ZC3H12B: variants seen among roughly 807,000 people sequenced by gnomAD.
ZC3H12B encodes the protein probable ribonuclease ZC3H12B.
In ZC3H12B, 7 loss-of-function variants were observed where a neutral mutation model predicts 43.9. That is an observed-to-expected ratio of 0.16 (90% CI 0.09 to 0.30). The LOEUF (loss-of-function observed/expected upper bound fraction) is 0.30. Among genes scored for constraint, ZC3H12B ranks in the 10% least tolerant of loss-of-function variants. ZC3H12B has a pLI of 1.00. For synonymous variants in ZC3H12B, 222 were observed against 241.7 expected, an observed-to-expected ratio of 0.92 and a Z score of 0.76; for missense variants, 475 against 670.2, an observed-to-expected ratio of 0.71 and a Z score of 3.22.
chrX:65,273,208 T>C, the ZC3H12B span, among the ~76,000 whole-genome samples: 3 of 112,330 alleles, frequency 2.7e-5, no homozygotes, highest in Admixed American at 9.4e-5. Flanking sequence ...AAAGATTAAG[T>C]GTTTAGTTCC....
the ZC3H12B span, among the ~76,000 whole-genome samples, chrX:65,095,073 C>T: frequency 8.9e-6 from 1 of 112,061 alleles, no homozygotes; most frequent in African/African-American, 3.2e-5. Flanking sequence ...ATGAAAATTA[C>T]AATTTTGGGA....
At chrX:65,175,165 G>A in the ZC3H12B span, among the ~76,000 whole-genome samples, 1 of 111,535 alleles carries the variant, frequency 9.0e-6, no homozygotes, top group African/African-American at 3.3e-5. Flanking sequence ...TCCCAGGTGA[G>A]GTGACACCCC....
At chrX:65,224,069 T>A in the ZC3H12B span, among the ~76,000 whole-genome samples, 2 of 112,267 alleles carry the variant, frequency 1.8e-5, no homozygotes, top group African/African-American at 6.5e-5. Context: ...CATCAGTCAA[T>A]GAAGGTGTAA....
chrX:65,181,247 A>G, the ZC3H12B span, among the ~76,000 whole-genome samples: 4 of 112,155 alleles, frequency 3.6e-5, no homozygotes, highest in Non-Finnish European at 7.5e-5. Context: ...TATGCAAAAA[A>G]TTAACTCAAG....
chrX:65,222,828 G>A, the ZC3H12B span, among the ~76,000 whole-genome samples: 1 of 109,713 alleles, frequency 9.1e-6, no homozygotes, highest in African/African-American at 3.3e-5. Flanking sequence ...TACAAATTCA[G>A]TGCAATTCAC....
chrX:65,464,309 G>A (rs1243813026), intron 3 of ZC3H12B, among the ~76,000 whole-genome samples: 5 of 111,222 alleles, frequency 4.5e-5, no homozygotes, highest in Non-Finnish European at 9.4e-5. Context: ...ACTTATTATA[G>A]GTCTGTTTAG....
chrX:65,440,591 C>A (rs2067289388), intron 3 of ZC3H12B, among the ~76,000 whole-genome samples: 1 of 112,085 alleles, frequency 8.9e-6, no homozygotes, highest in South Asian at 3.7e-4. Flanking sequence ...TTGTTTACTG[C>A]AGGAATTGTA....
chrX:65,363,753 T>G (rs1055273909), upstream of ZC3H12B, among the ~76,000 whole-genome samples: 1 of 112,238 alleles, frequency 8.9e-6, no homozygotes, highest in Non-Finnish European at 1.9e-5. Context: ...CATGTCTCCA[T>G]GCAGCGGCCG....
the ZC3H12B span, among the ~76,000 whole-genome samples, chrX:65,239,425 A>AT: frequency 9.9e-6 from 1 of 101,326 alleles, no homozygotes; most frequent in Admixed American, 1.1e-4. Flanking sequence ...TTTGCTTGAT[A>AT]TTTTTTCCTC....
the ZC3H12B span, among the ~76,000 whole-genome samples, chrX:65,354,069 C>G: frequency 8.9e-6 from 1 of 111,845 alleles, no homozygotes; most frequent in Admixed American, 9.4e-5. Context: ...TACCTGTCGG[C>G]TTTGAAGGGA....
chrX:65,222,330 G>A, the ZC3H12B span, among the ~76,000 whole-genome samples: 2 of 110,627 alleles, frequency 1.8e-5, no homozygotes, highest in East Asian at 5.7e-4. Context: ...ATTCAACACA[G>A]TAGTAGAAGT....
the ZC3H12B span, among the ~76,000 whole-genome samples, chrX:65,164,814 C>A: frequency 8.9e-6 from 1 of 111,916 alleles, no homozygotes; most frequent in Non-Finnish European, 1.9e-5. Flanking sequence ...TCAAAAGTAG[C>A]CCTGTGTGAA....
At chrX:65,359,515 C>T in the ZC3H12B span, among the ~76,000 whole-genome samples, 1 of 111,793 alleles carries the variant, frequency 8.9e-6, no homozygotes, top group East Asian at 2.8e-4. Context: ...ATTCCAACCC[C>T]ATGGATGACT....
At chrX:65,052,925 A>G in the ZC3H12B span, among the ~76,000 whole-genome samples, 1 of 111,804 alleles carries the variant, frequency 8.9e-6, no homozygotes, top group African/African-American at 3.2e-5. Flanking sequence ...TTTTCTCTAC[A>G]TCCTCACCAG....
chrX:65,279,022 A>AT, the ZC3H12B span, among the ~76,000 whole-genome samples: 25,559 of 110,364 alleles, frequency 0.23, 7,273 homozygotes, highest in African/African-American at 0.8. Context: ...TGTGTATTAC[A>AT]TTTTTTTAAT....
chrX:65,251,119 G>A, the ZC3H12B span, among the ~76,000 whole-genome samples: 1 of 111,868 alleles, frequency 8.9e-6, no homozygotes, highest in Non-Finnish European at 1.9e-5. Flanking sequence ...TTAGTATAAG[G>A]TGTAAGGAAG....
chrX:65,253,092 G>T, the ZC3H12B span, among the ~76,000 whole-genome samples: 2 of 112,065 alleles, frequency 1.8e-5, no homozygotes, highest in Non-Finnish European at 3.8e-5. Context: ...CATTCTTGAG[G>T]GAAGTAGTCT....
At chrX:65,048,609 G>A in the ZC3H12B span, among the ~76,000 whole-genome samples, 517 of 110,897 alleles carry the variant, frequency 4.7e-3, no homozygotes, top group Non-Finnish European at 8.3e-3. Flanking sequence ...CATAAGTGAG[G>A]TATACATATA....
chrX:65,385,809 G>T (rs1025040299), intron 2 of ZC3H12B, among the ~76,000 whole-genome samples: 8 of 111,966 alleles, frequency 7.1e-5, no homozygotes, highest in African/African-American at 2.0e-4. Flanking sequence ...ATTATTTTGA[G>T]CTATGTCCCA....
Sources: allele counts gnomAD v4.1 joint callset (sites outside exome capture counted in the v4.1 genomes callset), GRCh38; gene constraint gnomAD v4.1.1; transcripts MANE v1.5; gene names NCBI Gene and HGNC (gene_info 2026-07-23, HGNC 2026-07-21).